CA10: variants seen among roughly 807,000 people sequenced by gnomAD.
CA10 encodes the protein carbonic anhydrase 10 (inactive), also known as carbonic anhydrase-related protein 10.
A neutral mutation model predicts 44.2 loss-of-function variants in CA10; 14 were observed. That is an observed-to-expected ratio of 0.32 (90% CI 0.21 to 0.50). The LOEUF (loss-of-function observed/expected upper bound fraction) is 0.50. CA10 is among the 20% of genes least tolerant of loss of function. The pLI is 0.99. For missense variants in CA10, 350 were observed against 409.7 expected, an observed-to-expected ratio of 0.85 and a Z score of 1.26; for synonymous variants, 159 against 141.6, an observed-to-expected ratio of 1.12 and a Z score of -0.87.
intron 2 of CA10, among the ~76,000 whole-genome samples, chr17:52,032,958 A>C (rs1043438236): frequency 1.3e-5 from 2 of 152,182 alleles, no homozygotes; most frequent in Non-Finnish European, 2.9e-5. Context: ...GTCTTGAAAC[A>C]CAAAGGAGAA....
Position 51,635,921 on chromosome 17 carries a change from G to T in CA10, c.723C>A (p.Ile241=). 6.2e-7 allele frequency: 1 copy of T among 1,609,628 alleles called. No individual in the cohort carries two copies. The highest frequency in any genetic ancestry group is 8.5e-7 in the Non-Finnish European group (1 of 1,176,862). Residue 241 remains isoleucine (I), a synonymous_variant, in exon 7 of 9, where the codon ATC becomes ATA. Transcript: ENST00000451037. ...SFITYDGSMT[I]PPCYETASWI... ...AACTTGCTGTCTCATAGCAGGGTGG[G>T]ATAGTCATCGACCCATCGTAAGTGA...
At chr17:51,810,458 T>C (rs1021193655) in intron 3 of CA10, among the ~76,000 whole-genome samples, 3 of 152,080 alleles carry the variant, frequency 2.0e-5, no homozygotes, top group African/African-American at 7.2e-5. Flanking sequence ...GAGCAAGTTC[T>C]GTATGGAATC....
chr17:51,714,486 C>T (rs1204869797), intron 4 of CA10, among the ~76,000 whole-genome samples: 5 of 152,156 alleles, frequency 3.3e-5, no homozygotes, highest in African/African-American at 9.7e-5. Context: ...CCCTCTGGAG[C>T]TCTTTGGGAG....
At chr17:51,756,010 T>C (rs995288306) in intron 3 of CA10, among the ~76,000 whole-genome samples, 9 of 152,184 alleles carry the variant, frequency 5.9e-5, no homozygotes, top group South Asian at 2.1e-4. Flanking sequence ...ACTGGTAACA[T>C]AGAAGAGCCG....
In CA10 at chr17:51,631,320, G is replaced by A. The variant is rs1912560501; in HGVS notation, c.*264C>T. 2.2e-6 allele frequency: 1 copy of A among 454,656 alleles called. No homozygotes were observed. Among genetic ancestry groups the A allele is most frequent in the Non-Finnish European group, 3.9e-6 (1 of 253,948 alleles). The allele number at this position is 454,656 out of a possible 1,614,324, so 28.2% of individuals were successfully genotyped here. On this transcript the variant is annotated 3_prime_UTR_variant, in exon 9 of 9. Transcript: ENST00000451037. ...AACTTGACTTCCCATGATGGAGGTT[G>A]TAAGAGTGTGTGTGTGTGTAGGTAT...
chr17:52,032,880 T>C (rs1986509346), intron 2 of CA10, among the ~76,000 whole-genome samples: 1 of 152,112 alleles, frequency 6.6e-6, no homozygotes, highest in Non-Finnish European at 1.5e-5. Flanking sequence ...CATTTGAGAA[T>C]GAAAGGGGAG....
chr17:51,845,781 C>A (rs191682928), intron 3 of CA10, among the ~76,000 whole-genome samples: 2 of 152,178 alleles, frequency 1.3e-5, no homozygotes, highest in African/African-American at 4.8e-5. Context: ...CATATAGGCC[C>A]ATCATCTCTG....
Position 51,635,856 on chromosome 17 carries a change from T to A in CA10, c.788A>T (p.Gln263Leu). 1.3e-6 allele frequency: 2 copies of A among 1,572,118 alleles called. No individual in the cohort carries two copies. The highest frequency in any genetic ancestry group is 1.7e-6 in the Non-Finnish European group (2 of 1,157,698). ...MNKPVYITRMQMHSLRLLSQN... is the reference protein window; with the variant it reads ...MNKPVYITRMLMHSLRLLSQN... ...CTAAATGACCAGAGAGAAACTCACC[T>A]GCATCCTGGTTATATAGACAGGTTT... is the stretch of plus-strand genomic sequence containing the variant. Residue 263 changes from glutamine (Q) to leucine (L), a missense_variant and splice_region_variant, in exon 7 of 9, where the codon CAG becomes CTG. Coordinates refer to ENST00000451037, the MANE Select transcript of CA10 (RefSeq NM_020178.5).
intron 2 of CA10, among the ~76,000 whole-genome samples, chr17:52,041,457 C>A (rs1410329749): frequency 6.6e-6 from 1 of 151,932 alleles, no homozygotes; most frequent in Non-Finnish European, 1.5e-5. Context: ...GTATAATTGA[C>A]AAATAAAAAT....
intron 3 of CA10, among the ~76,000 whole-genome samples, chr17:51,903,252 G>A (rs1394693387): frequency 6.6e-6 from 1 of 152,086 alleles, no homozygotes; most frequent in Non-Finnish European, 1.5e-5. Context: ...TAGAACATGA[G>A]AAATTTTGTA....
chr17:51,975,900 G>A (rs1463500689), intron 2 of CA10, among the ~76,000 whole-genome samples: 1 of 146,134 alleles, frequency 6.8e-6, no homozygotes, highest in African/African-American at 2.5e-5. Flanking sequence ...AAAAGCAAGA[G>A]TCAACTATAT....
chr17:51,636,648 C>G (rs1036183131), intron 6 of CA10, among the ~76,000 whole-genome samples: 1 of 152,086 alleles, frequency 6.6e-6, no homozygotes, highest in African/African-American at 2.4e-5. Context: ...AGCTTCTAGA[C>G]CTGTTGAAAT....
chr17:51,757,513 T>G (rs1293412128), intron 3 of CA10, among the ~76,000 whole-genome samples: 2 of 152,224 alleles, frequency 1.3e-5, no homozygotes, highest in Non-Finnish European at 2.9e-5. Flanking sequence ...CACTGAGTGT[T>G]TCTTGCTTTA....
At chr17:51,727,765 T>C (rs1484505121) in intron 4 of CA10, among the ~76,000 whole-genome samples, 1 of 152,180 alleles carries the variant, frequency 6.6e-6, no homozygotes, top group African/African-American at 2.4e-5. Flanking sequence ...ATTTATTGAG[T>C]GCCTATTATG....
At chr17:51,842,558 G>C (rs776652168) in intron 3 of CA10, among the ~76,000 whole-genome samples, 1 of 152,130 alleles carries the variant, frequency 6.6e-6, no homozygotes, top group Non-Finnish European at 1.5e-5. Flanking sequence ...TACATCATGC[G>C]CAGTTTTGAA....
intron 3 of CA10, among the ~76,000 whole-genome samples, chr17:51,823,933 C>A (rs1907913867): frequency 6.6e-6 from 1 of 152,182 alleles, no homozygotes; most frequent in African/African-American, 2.4e-5. Flanking sequence ...TTCTTTCTTA[C>A]CCCTCTCTGC....
intron 2 of CA10, among the ~76,000 whole-genome samples, chr17:51,992,634 C>A (rs1598156324): frequency 6.6e-6 from 1 of 152,082 alleles, no homozygotes; most frequent in African/African-American, 2.4e-5. Context: ...CATTCACCCT[C>A]AAAAATCCAG....
chr17:51,707,374 A>C (rs1206042139), intron 4 of CA10, among the ~76,000 whole-genome samples: 1 of 152,200 alleles, frequency 6.6e-6, no homozygotes, highest in Non-Finnish European at 1.5e-5. Flanking sequence ...AGGCACTGTG[A>C]CACATACTTT....
At chr17:51,821,046 TCCCTC>T (rs1907768152) in intron 3 of CA10, among the ~76,000 whole-genome samples, 1 of 19,950 alleles carries the variant, frequency 5.0e-5, no homozygotes. Flanking sequence ...CCTCCCTCCC[TCCCTC>T]CCTCCCTCCC....
Sources: allele counts gnomAD v4.1 joint callset (sites outside exome capture counted in the v4.1 genomes callset), GRCh38; gene constraint gnomAD v4.1.1; transcripts MANE v1.5; gene names NCBI Gene and HGNC (gene_info 2026-07-23, HGNC 2026-07-21).